The following PSD3 variants were observed in gnomAD, a reference collection of about 807,000 sequenced individuals.
PSD3 encodes the protein PH and SEC7 domain-containing protein 3.
A neutral mutation model predicts 105.5 loss-of-function variants in PSD3; 49 were observed. The ratio of observed to expected loss-of-function variants is 0.46; its 90% CI spans 0.37 to 0.59. The LOEUF (loss-of-function observed/expected upper bound fraction) is 0.59. PSD3 is among the 20% of genes least tolerant of loss of function. PSD3 has a pLI of 0.00. For missense variants in PSD3, 1,561 were observed against 1,263.8 expected (o/e 1.24, Z -3.57); for synonymous variants, 557 against 457.8 (o/e 1.22, Z -2.77).
At chr8:19,011,573 G>C (rs1826950967) in intron 1 of PSD3, among the ~76,000 whole-genome samples, 1 of 151,934 alleles carries the variant, frequency 6.6e-6, no homozygotes, top group Non-Finnish European at 1.5e-5. Flanking sequence ...AGATTTACTA[G>C]CCTGTAAGAA....
intron 1 of PSD3, among the ~76,000 whole-genome samples, chr8:19,009,552 C>T (rs976651423): frequency 3.3e-5 from 5 of 150,674 alleles, no homozygotes; most frequent in Admixed American, 6.6e-5. Context: ...ATTGTAAAAA[C>T]GCCCCATGCC....
At position 18,835,566 on chromosome 8, in the gene PSD3, C is replaced by T. The variant is rs144775444; in HGVS notation, c.1635-30668G>A. On this transcript the variant is annotated intron_variant, in intron 4 of 15. Transcript: ENST00000327040. Reference sequence around the variant, plus strand: ...GAAGTGATAAGTAAAATACGTAGTACGTTGGTAATACAGCCAAGGGGCCGT... The same window carrying T: ...GAAGTGATAAGTAAAATACGTAGTATGTTGGTAATACAGCCAAGGGGCCGT... 1.1e-4 allele frequency among the ~76,000 whole-genome samples: 17 copies of T among 152,194 alleles called. 1 individual carries two copies. The highest frequency in any genetic ancestry group is 6.2e-4 in the South Asian group (3 of 4,822).
At chr8:18,876,718 T>C (rs922985168) in intron 2 of PSD3, among the ~76,000 whole-genome samples, 10 of 152,228 alleles carry the variant, frequency 6.6e-5, no homozygotes, top group African/African-American at 2.2e-4. Flanking sequence ...TTTGTTATTC[T>C]CTTCTATATA....
intron 4 of PSD3, among the ~76,000 whole-genome samples, chr8:18,858,611 A>G (rs1010091398): frequency 6.6e-6 from 1 of 152,154 alleles, no homozygotes; most frequent in African/African-American, 2.4e-5. Flanking sequence ...TGCTTTATTA[A>G]GTTTATGAAA....
At chr8:18,813,681 A>G (rs1811916777) in intron 4 of PSD3, among the ~76,000 whole-genome samples, 1 of 152,224 alleles carries the variant, frequency 6.6e-6, no homozygotes, top group South Asian at 2.1e-4. Context: ...AACTCCAGTT[A>G]GACCACCCAA....
chr8:18,738,522 A>C (rs938371897), intron 9 of PSD3, among the ~76,000 whole-genome samples: 14 of 152,210 alleles, frequency 9.2e-5, no homozygotes, highest in Non-Finnish European at 1.6e-4. Flanking sequence ...AATAGAATCC[A>C]CACAGCAGCC....
intron 15 of PSD3, among the ~76,000 whole-genome samples, chr8:18,550,225 T>G (rs181998236): frequency 6.6e-6 from 1 of 152,240 alleles, no homozygotes; most frequent in African/African-American, 2.4e-5. Context: ...CCTAATTCTT[T>G]GCAATCATCT....
At chr8:18,934,022 T>A (rs1263770772) in intron 2 of PSD3, among the ~76,000 whole-genome samples, 1 of 152,218 alleles carries the variant, frequency 6.6e-6, no homozygotes, top group Non-Finnish European at 1.5e-5. Context: ...TTTTTTTTAC[T>A]GTATCTAAGA....
intron 4 of PSD3, among the ~76,000 whole-genome samples, chr8:18,820,206 A>T (rs766171740): frequency 2.1e-5 from 3 of 146,224 alleles, no homozygotes; most frequent in Non-Finnish European, 3.0e-5. Flanking sequence ...TGTATTTAAC[A>T]CCATTTTCTC....
At chr8:18,902,921 C>A (rs1586374355) in intron 2 of PSD3, among the ~76,000 whole-genome samples, 1 of 152,160 alleles carries the variant, frequency 6.6e-6, no homozygotes, top group East Asian at 1.9e-4. Context: ...GGGGATTTCT[C>A]TAGGTGTCAG....
intron 2 of PSD3, among the ~76,000 whole-genome samples, chr8:18,892,990 A>C (rs547565313): frequency 1.3e-5 from 2 of 152,310 alleles, no homozygotes; most frequent in African/African-American, 4.8e-5. Context: ...ATATTAGTGC[A>C]ACTGATGCAA....
intron 14 of PSD3, among the ~76,000 whole-genome samples, chr8:18,567,084 T>G (rs2717721): frequency 6.6e-6 from 1 of 152,158 alleles, no homozygotes; most frequent in Non-Finnish European, 1.5e-5. Context: ...GAAACACTCA[T>G]ATGTTGCTCT....
intron 9 of PSD3, among the ~76,000 whole-genome samples, chr8:18,716,156 A>C (rs536477073): frequency 6.6e-6 from 1 of 151,838 alleles, no homozygotes; most frequent in African/African-American, 2.4e-5. Flanking sequence ...ATGATTTATC[A>C]GGTATTAAAC....
chr8:18,650,540 C>A (rs1345968681), intron 10 of PSD3, among the ~76,000 whole-genome samples: 1 of 152,190 alleles, frequency 6.6e-6, no homozygotes, highest in Non-Finnish European at 1.5e-5. Context: ...TGACTCACTG[C>A]ACTCTTCATT....
intron 1 of PSD3, among the ~76,000 whole-genome samples, chr8:18,987,981 T>C (rs999339435): frequency 5.9e-5 from 9 of 152,218 alleles, no homozygotes; most frequent in African/African-American, 2.2e-4. Flanking sequence ...CCAAGCACCA[T>C]GCTAGCAATG....
chr8:18,940,228 T>C (rs1822443159), intron 1 of PSD3: 1 of 152,230 alleles, frequency 6.6e-6, no homozygotes, highest in Admixed American at 6.5e-5. Flanking sequence ...CCATCTTCTT[T>C]GTGAACCACT....
intron 9 of PSD3, among the ~76,000 whole-genome samples, chr8:18,690,043 C>A (rs1232677765): frequency 6.6e-6 from 1 of 152,122 alleles, no homozygotes; most frequent in Non-Finnish European, 1.5e-5. Flanking sequence ...GCTAAATATT[C>A]CACGAACACA....
At chr8:18,551,619 G>C (rs898349668) in intron 15 of PSD3, among the ~76,000 whole-genome samples, 2 of 152,140 alleles carry the variant, frequency 1.3e-5, no homozygotes, top group African/African-American at 4.8e-5. Context: ...TGGTTGGTGT[G>C]GGCTCTAACT....
intron 4 of PSD3, among the ~76,000 whole-genome samples, chr8:18,845,798 A>G (rs1815042587): frequency 6.6e-6 from 1 of 152,222 alleles, no homozygotes; most frequent in Admixed American, 6.5e-5. Context: ...TAAATGGCGG[A>G]AGAAGGGAAC....
Sources: allele counts gnomAD v4.1 joint callset (sites outside exome capture counted in the v4.1 genomes callset), GRCh38; gene constraint gnomAD v4.1.1; transcripts MANE v1.5; gene names NCBI Gene and HGNC (gene_info 2026-07-23, HGNC 2026-07-21).